WWOX: variants seen among roughly 807,000 people sequenced by gnomAD.
The protein encoded by WWOX is WW domain-containing oxidoreductase.
Under a neutral mutation model 46.2 loss-of-function variants are expected in WWOX, and 69 were observed. The ratio of observed to expected loss-of-function variants is 1.49; its 90% confidence interval spans 1.23 to 1.82. The LOEUF is 1.82. WWOX is among the 40% of genes most tolerant of loss of function. The probability of loss-of-function intolerance (pLI) is 0.00; values close to 1 mark genes in which losing one functional copy is unlikely to be tolerated. For missense variants in WWOX, 919 were observed against 542.6 expected, an observed-to-expected ratio of 1.69 and a Z score of -6.89; for synonymous variants, 359 against 202.6, an observed-to-expected ratio of 1.77 and a Z score of -6.56.
At chr16:78,504,066 T>G (rs989175446) in intron 8 of WWOX, among the ~76,000 whole-genome samples, 5 of 152,236 alleles carry the variant, frequency 3.3e-5, no homozygotes, top group African/African-American at 9.6e-5. Flanking sequence ...GCTTGGCAAC[T>G]GTGTTTGATA....
At chr16:79,081,459 C>T (rs144109300) in intron 8 of WWOX, among the ~76,000 whole-genome samples, 5 of 152,316 alleles carry the variant, frequency 3.3e-5, no homozygotes, top group African/African-American at 1.2e-4. Context: ...CCTAACTATC[C>T]TCATTAAGCC....
intron 8 of WWOX, among the ~76,000 whole-genome samples, chr16:79,058,503 A>T (rs2048305726): frequency 6.6e-6 from 1 of 152,150 alleles, no homozygotes; most frequent in South Asian, 2.1e-4. Context: ...GATGGAAAGG[A>T]GGAAGGAAGG....
At chr16:78,397,924 C>G (rs2082325550) in intron 6 of WWOX, among the ~76,000 whole-genome samples, 1 of 152,204 alleles carries the variant, frequency 6.6e-6, no homozygotes, top group Non-Finnish European at 1.5e-5. Context: ...AGTTAAGGTA[C>G]TCAGACTATT....
intron 8 of WWOX, among the ~76,000 whole-genome samples, chr16:78,530,567 T>A (rs922767688): frequency 6.6e-6 from 1 of 152,186 alleles, no homozygotes. Context: ...GCCTGGGGTT[T>A]TTATGGGTAC....
intron 8 of WWOX, among the ~76,000 whole-genome samples, chr16:78,993,064 C>G (rs890909811): frequency 6.6e-6 from 1 of 151,928 alleles, no homozygotes; most frequent in African/African-American, 2.4e-5. Context: ...TATAAATGCA[C>G]ATTTTCCCCT....
intron 8 of WWOX, among the ~76,000 whole-genome samples, chr16:78,571,371 A>T (rs935971964): frequency 6.6e-6 from 1 of 152,296 alleles, no homozygotes; most frequent in Non-Finnish European, 1.5e-5. Context: ...AAATGTGTAT[A>T]TATATATATA....
chr16:78,411,796 A>G (rs1475983111), intron 6 of WWOX, among the ~76,000 whole-genome samples: 1 of 152,212 alleles, frequency 6.6e-6, no homozygotes, highest in Non-Finnish European at 1.5e-5. Flanking sequence ...ATGGAGTGAC[A>G]TGAAGTCATT....
chr16:79,024,044 A>C (rs376040246), intron 8 of WWOX, among the ~76,000 whole-genome samples: 5 of 152,224 alleles, frequency 3.3e-5, no homozygotes, highest in African/African-American at 1.2e-4. Context: ...CAAAGTACCT[A>C]GAATAGGCAC....
chr16:78,595,075 G>T (rs990228947), intron 8 of WWOX, among the ~76,000 whole-genome samples: 1 of 152,204 alleles, frequency 6.6e-6, no homozygotes, highest in South Asian at 2.1e-4. Flanking sequence ...CAGGGTGGAA[G>T]CTGCCATGCG....
chr16:78,407,876 G>C (rs1461730024), intron 6 of WWOX, among the ~76,000 whole-genome samples: 1 of 152,168 alleles, frequency 6.6e-6, no homozygotes, highest in Non-Finnish European at 1.5e-5. Flanking sequence ...ATTGATTACT[G>C]TCTACTGTAG....
At chr16:78,305,543 C>G (rs1230233020) in intron 5 of WWOX, among the ~76,000 whole-genome samples, 2 of 152,006 alleles carry the variant, frequency 1.3e-5, no homozygotes, top group Non-Finnish European at 2.9e-5. Flanking sequence ...ATCCCGTGAA[C>G]TGATTAAAAA....
chr16:78,309,358 G>T (rs999017770), intron 5 of WWOX, among the ~76,000 whole-genome samples: 11 of 152,132 alleles, frequency 7.2e-5, no homozygotes, highest in Non-Finnish European at 1.6e-4. Context: ...GGCCTCCCCA[G>T]CCATGCTGAA....
intron 8 of WWOX, among the ~76,000 whole-genome samples, chr16:78,829,625 C>T (rs2051760221): frequency 6.6e-6 from 1 of 152,108 alleles, no homozygotes; most frequent in South Asian, 2.1e-4. Context: ...TCAATCATCA[C>T]ACCTTTCCCT....
At chr16:79,033,297 C>G (rs1265915421) in intron 8 of WWOX, among the ~76,000 whole-genome samples, 1 of 147,882 alleles carries the variant, frequency 6.8e-6, no homozygotes, top group Non-Finnish European at 1.5e-5. Context: ...TATATACACA[C>G]ATATGTATAT....
intron 8 of WWOX, among the ~76,000 whole-genome samples, chr16:79,032,293 CTA>C (rs1464971243): frequency 2.8e-5 from 4 of 143,940 alleles, no homozygotes; most frequent in Admixed American, 7.1e-5. Flanking sequence ...ATAATAGACT[CTA>C]TAATGTAGAC....
At chr16:79,149,333 A>G (rs1304968468) in intron 8 of WWOX, among the ~76,000 whole-genome samples, 1 of 152,184 alleles carries the variant, frequency 6.6e-6, no homozygotes, top group African/African-American at 2.4e-5. Context: ...ATGGTGGACT[A>G]TATTGATTTT....
chr16:78,976,715 C>G (rs1042063841), intron 8 of WWOX, among the ~76,000 whole-genome samples: 2 of 152,188 alleles, frequency 1.3e-5, no homozygotes, highest in Non-Finnish European at 2.9e-5. Context: ...CAGGAGCTCA[C>G]CAGATACTAC....
chr16:79,146,939 C>G (rs1010702022), intron 8 of WWOX, among the ~76,000 whole-genome samples: 6 of 152,182 alleles, frequency 3.9e-5, no homozygotes, highest in African/African-American at 1.2e-4. Context: ...TAATTGAAGA[C>G]TCACATGTAG....
chr16:78,532,788 G>C (rs377439270), intron 8 of WWOX, among the ~76,000 whole-genome samples: 140 of 152,202 alleles, frequency 9.2e-4, no homozygotes, highest in African/African-American at 3.3e-3. Context: ...AGAACACCTT[G>C]GGAAAGACCT....
Sources: allele counts gnomAD v4.1 joint callset (sites outside exome capture counted in the v4.1 genomes callset), GRCh38; gene constraint gnomAD v4.1.1; transcripts MANE v1.5; gene names NCBI Gene and HGNC (gene_info 2026-07-23, HGNC 2026-07-21).